Variants in CCDC170 observed in about 807,000 individuals in gnomAD.
CCDC170 encodes the protein coiled-coil domain-containing protein 170.
Under a neutral mutation model 72.6 loss-of-function variants are expected in CCDC170, and 69 were observed. The ratio of observed to expected loss-of-function variants is 0.95; its 90% CI spans 0.78 to 1.16. The LOEUF (loss-of-function observed/expected upper bound fraction) is 1.16, where lower values mean the gene tolerates loss of function less well. CCDC170 is among the 50% of genes most tolerant of loss of function. CCDC170 has a pLI of 0.00. For synonymous variants in CCDC170, 300 were observed against 303.9 expected (o/e 0.99, Z 0.13); for missense variants, 852 against 832.5 (o/e 1.02, Z -0.29).
chr6:151,564,120 G>A (rs1033757531), intron 5 of CCDC170, among the ~76,000 whole-genome samples: 2 of 152,094 alleles, frequency 1.3e-5, no homozygotes, highest in African/African-American at 4.8e-5. Flanking sequence ...TGTGCATCTG[G>A]TGTGACAGTC....
chr6:151,514,337 GA>G (rs1782197938), intron 1 of CCDC170, among the ~76,000 whole-genome samples: 1 of 72,656 alleles, frequency 1.4e-5, no homozygotes, highest in East Asian at 4.3e-4. Context: ...AGGAAGGAAG[GA>G]GGGAGGGAGG....
At chr6:151,569,478 T>G (rs1236353393) in intron 5 of CCDC170, among the ~76,000 whole-genome samples, 2 of 152,254 alleles carry the variant, frequency 1.3e-5, no homozygotes, top group African/African-American at 4.8e-5. Context: ...ATTTTTTAAG[T>G]GATCCCCATC....
chr6:151,596,083 G>A (rs1223834982), intron 8 of CCDC170, among the ~76,000 whole-genome samples: 1 of 152,114 alleles, frequency 6.6e-6, no homozygotes, highest in Non-Finnish European at 1.5e-5. Context: ...ATGTTAGAGA[G>A]CATCAGATGT....
intron 9 of CCDC170, among the ~76,000 whole-genome samples, chr6:151,608,075 G>T (rs1193765697): frequency 2.0e-5 from 3 of 152,048 alleles, no homozygotes; most frequent in Non-Finnish European, 4.4e-5. Context: ...TTCAGGTTTA[G>T]AAATTATTTC....
intron 1 of CCDC170, among the ~76,000 whole-genome samples, chr6:151,509,522 A>G (rs1458977348): frequency 6.6e-6 from 1 of 152,190 alleles, no homozygotes; most frequent in Non-Finnish European, 1.5e-5. Context: ...TTGAACAGAT[A>G]TTTTTAAGCT....
chr6:151,540,340 T>TTCC lies in CCDC170; in HGVS notation c.443+2056_443+2058dup, dbSNP rs201168694. 3.6e-5 allele frequency among the ~76,000 whole-genome samples: 5 copies of TTCC among 137,416 alleles called. No individual in the cohort carries two copies. In the South Asian group the frequency reaches 8.0e-4, roughly 22 times the overall value. The allele number at this position is 137,416 out of a possible 152,430, so 90.2% of individuals were successfully genotyped here. A position where few individuals can be genotyped will look rare whatever the true frequency, so the allele number is the denominator to read the frequency against. ...CTCCTCCTCCTCCTCTTCCTTCCTC[T>TTCC]TCCTCCTCCTCCTCCTCCTTCTTCT... On this transcript the variant is annotated intron_variant, in intron 3 of 10. Coordinates refer to ENST00000239374, the MANE Select transcript of CCDC170 (RefSeq NM_025059.4).
At chr6:151,517,399 G>T (rs1047230320) in intron 1 of CCDC170, among the ~76,000 whole-genome samples, 2 of 151,318 alleles carry the variant, frequency 1.3e-5, no homozygotes, top group South Asian at 4.2e-4. Context: ...CCTTACTGAG[G>T]ACTCCCATAC....
intron 7 of CCDC170, among the ~76,000 whole-genome samples, chr6:151,592,764 G>T (rs982054632): frequency 6.6e-6 from 1 of 152,154 alleles, no homozygotes; most frequent in African/African-American, 2.4e-5. Flanking sequence ...AGCCTGAGAG[G>T]GGCATGGTTG....
intron 9 of CCDC170, among the ~76,000 whole-genome samples, chr6:151,613,003 T>C (rs1236176209): frequency 6.6e-6 from 1 of 152,238 alleles, no homozygotes; most frequent in Non-Finnish European, 1.5e-5. Context: ...GATATGTTTA[T>C]TTATTTATTT....
At chr6:151,592,086 G>C (rs1400477583) in intron 7 of CCDC170, among the ~76,000 whole-genome samples, 1 of 152,052 alleles carries the variant, frequency 6.6e-6, no homozygotes, top group African/African-American at 2.4e-5. Context: ...GGCTGGGCAC[G>C]GTGGCTCATG....
intron 1 of CCDC170, among the ~76,000 whole-genome samples, chr6:151,532,087 AAAG>A (rs904724381): frequency 1.3e-5 from 2 of 152,186 alleles, no homozygotes; most frequent in African/African-American, 4.8e-5. Context: ...TAAAAATTGG[AAAG>A]AAGAAGGTGA....
chr6:151,514,892 C>T (rs1226216901), intron 1 of CCDC170, among the ~76,000 whole-genome samples: 3 of 152,174 alleles, frequency 2.0e-5, no homozygotes, highest in East Asian at 3.9e-4. Flanking sequence ...TATTGAAATG[C>T]CTTCACATTA....
In CCDC170 at chr6:151,544,608, A is replaced by T. The variant is rs756558564; in HGVS notation, c.480A>T (p.Gln160His). ...CSKENEENKK[Q>H]VSKNCRKHEE... Reference sequence around the variant, plus strand: ...AAGAAAATGAGGAGAATAAGAAACAAGTTTCAAAGAATTGCAGGAAACATG... The same window carrying T: ...AAGAAAATGAGGAGAATAAGAAACATGTTTCAAAGAATTGCAGGAAACATG... Residue 160 changes from glutamine (Q) to histidine (H), a missense_variant, in exon 4 of 11, where the codon CAA (glutamine) becomes CAT (histidine). Transcript: ENST00000239374. 6.2e-7 allele frequency: 1 copy of T among 1,613,390 alleles called. No individual in the cohort carries two copies. The highest frequency in any genetic ancestry group is 1.1e-5 in the South Asian group (1 of 91,048).
chr6:151,554,648 T>C (rs1043253385), intron 5 of CCDC170, among the ~76,000 whole-genome samples: 6 of 151,838 alleles, frequency 4.0e-5, no homozygotes, highest in Non-Finnish European at 7.4e-5. Flanking sequence ...CGCTTGAACC[T>C]GGGAGGCAGA....
intron 1 of CCDC170, among the ~76,000 whole-genome samples, chr6:151,499,461 A>G (rs1392109262): frequency 6.9e-6 from 1 of 145,862 alleles, no homozygotes; most frequent in Non-Finnish European, 1.5e-5. Flanking sequence ...CACGCTGTAT[A>G]AGTGGAATCA....
intron 1 of CCDC170, among the ~76,000 whole-genome samples, chr6:151,533,701 G>A (rs972257924): frequency 1.1e-4 from 16 of 151,614 alleles, no homozygotes; most frequent in Admixed American, 7.9e-4. Flanking sequence ...CTTCTTTAGG[G>A]AACTCTTTCC....
intron 1 of CCDC170, among the ~76,000 whole-genome samples, chr6:151,496,602 G>C (rs1187926677): frequency 1.3e-5 from 2 of 152,166 alleles, no homozygotes; most frequent in Non-Finnish European, 2.9e-5. Context: ...GCAGGGACTT[G>C]TATCTTTCTT....
chr6:151,514,353 G>GAGGGAGGGAAGGGGGGA (rs1554219944), intron 1 of CCDC170, among the ~76,000 whole-genome samples: 1 of 101,500 alleles, frequency 9.9e-6, no homozygotes, highest in Non-Finnish European at 1.8e-5. Flanking sequence ...GGGAGGGAGG[G>GAGGGAGGGAAGGGGGGA]AGGGAGGGAG....
intron 7 of CCDC170, among the ~76,000 whole-genome samples, chr6:151,589,251 A>AAAC (rs1562292309): frequency 8.7e-6 from 1 of 114,970 alleles, no homozygotes; most frequent in Admixed American, 8.8e-5. Flanking sequence ...ACTCCCTCTC[A>AAAC]AAACAAACAA....
Sources: gnomAD v4.1 joint callset for allele counts (sites outside exome capture counted in the v4.1 genomes callset) on GRCh38, gnomAD v4.1.1 for gene constraint, MANE v1.5 for transcripts, NCBI Gene and HGNC (gene_info 2026-07-23, HGNC 2026-07-21) for gene names.